The following NYAP2 variants were observed in gnomAD, a reference collection of about 807,000 sequenced individuals.
The protein encoded by NYAP2 is neuronal tyrosine-phosphorylated phosphoinositide-3-kinase adapter 2.
In NYAP2, 23 loss-of-function variants were observed where a neutral mutation model predicts 50.4. That is an observed-to-expected ratio of 0.46 (90% CI 0.33 to 0.65). The LOEUF (loss-of-function observed/expected upper bound fraction) is 0.65. Among genes scored for constraint, NYAP2 ranks in the 30% least tolerant of loss-of-function variants. The probability of loss-of-function intolerance (pLI) is 0.02; values close to 1 mark genes in which losing one functional copy is unlikely to be tolerated. For missense variants in NYAP2, 885 were observed against 861.0 expected (o/e 1.03, Z -0.35); for synonymous variants, 394 against 365.2 (o/e 1.08, Z -0.90).
chr2:225,542,726 G>C (rs1691498637), intron 4 of NYAP2, among the ~76,000 whole-genome samples: 1 of 151,994 alleles, frequency 6.6e-6, no homozygotes, highest in Admixed American at 6.6e-5. Context: ...TTGGCTTATA[G>C]TTTTCTTTTT....
intron 6 of NYAP2, among the ~76,000 whole-genome samples, chr2:225,632,708 A>G (rs1693343263): frequency 6.6e-6 from 1 of 152,204 alleles, no homozygotes; most frequent in Admixed American, 6.5e-5. Context: ...AGGAGATTAT[A>G]CAAGTAAATA....
At chr2:225,557,254 C>CT (rs1691793298) in intron 4 of NYAP2, among the ~76,000 whole-genome samples, 1 of 152,092 alleles carries the variant, frequency 6.6e-6, no homozygotes, top group African/African-American at 2.4e-5. Flanking sequence ...ATCAAATATC[C>CT]TTTTTCTGTT....
At chr2:225,658,883 C>T (rs977671743), downstream of NYAP2, among the ~76,000 whole-genome samples, 4 of 152,194 alleles carry the variant, frequency 2.6e-5, no homozygotes, top group African/African-American at 9.7e-5. Flanking sequence ...AAGTAATTTA[C>T]ATATTATTTA....
At chr2:225,583,506 C>T in intron 5 of NYAP2, among the ~76,000 whole-genome samples, 1 of 151,928 alleles carries the variant, frequency 6.6e-6, no homozygotes. Context: ...AAATGACAAT[C>T]TGCACAATAT....
intron 3 of NYAP2, among the ~76,000 whole-genome samples, chr2:225,512,815 TTCTTTC>T (rs1690847060): frequency 4.9e-5 from 2 of 40,798 alleles, no homozygotes; most frequent in African/African-American, 8.9e-5. Flanking sequence ...TTTCTTTTCT[TTCTTTC>T]TCTCTCTCTC....
intron 5 of NYAP2, among the ~76,000 whole-genome samples, chr2:225,623,726 T>C (rs1259199260): frequency 6.6e-6 from 1 of 152,234 alleles, no homozygotes; most frequent in African/African-American, 2.4e-5. Context: ...GTTATTCATA[T>C]TTTAAATTCA....
rs981181382 is a variant in NYAP2, at chr2:225,473,438, GTTC to G, written c.222-39930_222-39928del. On this transcript the variant is annotated intron_variant, in intron 3 of 6. Coordinates refer to ENST00000636099, the Ensembl canonical transcript of NYAP2. Reference sequence around the variant, plus strand: ...ACAGTCCCACCAACAGTGTAAAAGTGTTCTTATTTCTCCACATCCTCTCCAGCA... The same window carrying G: ...ACAGTCCCACCAACAGTGTAAAAGTGTTATTTCTCCACATCCTCTCCAGCA... Among the ~76,000 whole-genome samples the G allele has an allele frequency of 2.4e-3, 358 of 152,250 alleles. 2 individuals carry two copies. Among genetic ancestry groups the G allele is most frequent in the African/African-American group, 8.3e-3 (343 of 41,544 alleles).
chr2:225,576,768 T>C (rs1031835694), intron 4 of NYAP2, among the ~76,000 whole-genome samples: 1 of 152,242 alleles, frequency 6.6e-6, no homozygotes, highest in African/African-American at 2.4e-5. Context: ...TGGGTTTCTT[T>C]GTTTCAAAGG....
At chr2:225,693,401 T>G in the NYAP2 span, among the ~76,000 whole-genome samples, 1 of 152,010 alleles carries the variant, frequency 6.6e-6, no homozygotes, top group Non-Finnish European at 1.5e-5. Context: ...TCTGGTCTCA[T>G]CACATTATAC....
chr2:225,505,905 C>T (rs1487263610), intron 3 of NYAP2, among the ~76,000 whole-genome samples: 2 of 152,100 alleles, frequency 1.3e-5, no homozygotes, highest in East Asian at 3.9e-4. Context: ...TGAAGCAGGT[C>T]CGGACTTCTG....
intron 3 of NYAP2, among the ~76,000 whole-genome samples, chr2:225,446,212 G>GTCTCTCTCTC (rs1248447966): frequency 8.5e-5 from 4 of 47,292 alleles, no homozygotes; most frequent in Admixed American, 2.3e-4. Flanking sequence ...CTGTCTGTCT[G>GTCTCTCTCTC]TCTGTCTCTC....
chr2:225,508,666 G>A (rs1690754501), intron 3 of NYAP2, among the ~76,000 whole-genome samples: 1 of 152,194 alleles, frequency 6.6e-6, no homozygotes, highest in Non-Finnish European at 1.5e-5. Flanking sequence ...CTGTGATGCA[G>A]TGATGAGAAG....
intron 4 of NYAP2, among the ~76,000 whole-genome samples, chr2:225,564,540 G>A (rs1482889433): frequency 3.3e-5 from 5 of 151,864 alleles, no homozygotes; most frequent in Non-Finnish European, 5.9e-5. Flanking sequence ...ACCAACTAAA[G>A]AGTATTGGGT....
At chr2:225,695,610 G>A in the NYAP2 span, among the ~76,000 whole-genome samples, 4 of 150,942 alleles carry the variant, frequency 2.7e-5, no homozygotes, top group African/African-American at 9.7e-5. Context: ...TGTCCTCTGG[G>A]AATTCTGTGT....
At chr2:225,626,379 A>T (rs1693210580) in intron 5 of NYAP2, among the ~76,000 whole-genome samples, 1 of 152,214 alleles carries the variant, frequency 6.6e-6, no homozygotes, top group South Asian at 2.1e-4. Flanking sequence ...GGATGAGATG[A>T]TATAAATGAC....
At chr2:225,691,150 A>G in the NYAP2 span, among the ~76,000 whole-genome samples, 6 of 151,876 alleles carry the variant, frequency 4.0e-5, no homozygotes, top group Admixed American at 3.3e-4. Flanking sequence ...AAGTGGTTAA[A>G]TTTTATTAAT....
intron 4 of NYAP2, among the ~76,000 whole-genome samples, chr2:225,549,936 G>A (rs950141135): frequency 1.3e-5 from 2 of 151,828 alleles, no homozygotes; most frequent in African/African-American, 4.8e-5. Flanking sequence ...AGTGAGCCGA[G>A]ATTGTACCAC....
intron 4 of NYAP2, among the ~76,000 whole-genome samples, chr2:225,532,893 C>T (rs1028280737): frequency 2.0e-5 from 3 of 152,106 alleles, no homozygotes; most frequent in Non-Finnish European, 4.4e-5. Flanking sequence ...TGTCATTAGT[C>T]AACAGATATT....
chr2:225,690,447 T>C, the NYAP2 span, among the ~76,000 whole-genome samples: 1 of 152,088 alleles, frequency 6.6e-6, no homozygotes, highest in Non-Finnish European at 1.5e-5. Flanking sequence ...TATGTAAAGT[T>C]GACCCATACT....
Sources: allele counts gnomAD v4.1 joint callset (sites outside exome capture counted in the v4.1 genomes callset), GRCh38; gene constraint gnomAD v4.1.1; transcripts MANE v1.5; gene names NCBI Gene and HGNC (gene_info 2026-07-23, HGNC 2026-07-21).